Variants in IL1RAPL2 observed in about 807,000 individuals in gnomAD.
The protein encoded by IL1RAPL2 is X-linked interleukin-1 receptor accessory protein-like 2.
IL1RAPL2 carries 3 observed loss-of-function variants against 44.1 expected under a neutral mutation model. That is an observed-to-expected ratio of 0.07 (90% CI 0.03 to 0.18). IL1RAPL2 has a LOEUF of 0.18. Ranked by LOEUF, IL1RAPL2 falls within the 10% of genes least tolerant of loss-of-function variation. IL1RAPL2 has a pLI of 1.00. For synonymous variants in IL1RAPL2, 181 were observed against 178.8 expected (o/e 1.01, Z -0.10); for missense variants, 391 against 496.4 (o/e 0.79, Z 2.02).
At chrX:104,760,760 T>C (rs914123175) in intron 2 of IL1RAPL2, among the ~76,000 whole-genome samples, 1 of 111,585 alleles carries the variant, frequency 9.0e-6, no homozygotes, top group East Asian at 2.8e-4. Context: ...GTATCCTTTG[T>C]TGTGCTGAAG....
In IL1RAPL2 at chrX:105,092,292, T is replaced by G. The variant is rs112761238; in HGVS notation, c.83-103183T>G. ...ATGTAGGATAAATCACTAGAAAGAC[T>G]CATAGAACTTACTGAAAGCTATCAT... On this transcript the variant is annotated intron_variant, in intron 2 of 10. Coordinates refer to ENST00000372582, the MANE Select transcript of IL1RAPL2 (RefSeq NM_017416.2). Among the ~76,000 whole-genome samples the G allele has an allele frequency of 6.0e-3, 673 of 111,704 alleles. 8 individuals are homozygous for G. Among genetic ancestry groups the G allele is most frequent in the African/African-American group, 0.021 (646 of 30,757 alleles).
At chrX:105,414,791 C>G (rs938430032) in intron 5 of IL1RAPL2, among the ~76,000 whole-genome samples, 1 of 112,302 alleles carries the variant, frequency 8.9e-6, no homozygotes, top group Non-Finnish European at 1.9e-5. Flanking sequence ...GCACTTTTCA[C>G]AACATGTAAT....
chrX:104,779,311 A>G (rs1379626854), intron 2 of IL1RAPL2, among the ~76,000 whole-genome samples: 3 of 112,384 alleles, frequency 2.7e-5, no homozygotes, highest in Non-Finnish European at 3.8e-5. Flanking sequence ...TGGAAGCACT[A>G]AGTGCAGCAT....
In IL1RAPL2 at chrX:104,674,105, A is replaced by G. The variant is rs755144186; in HGVS notation, c.82+15110A>G. Among the ~76,000 whole-genome samples the G allele has an allele frequency of 2.7e-4, 30 of 111,452 alleles. 2 individuals are homozygous for G. In the East Asian group the frequency reaches 4.6e-3, roughly 17 times the overall value. ...TACCCTTTATTTCTTTCTCCTGCCT[A>G]ATTGCCCTGGCCAGAACTTCCAACA... On this transcript the variant is annotated intron_variant, in intron 2 of 10. Transcript: ENST00000372582.
At chrX:104,766,694 A>G (rs746117275) in intron 2 of IL1RAPL2, among the ~76,000 whole-genome samples, 8 of 112,422 alleles carry the variant, frequency 7.1e-5, no homozygotes, top group African/African-American at 1.9e-4. Context: ...CCCAGCTAGT[A>G]AATGGTGTAG....
chrX:105,155,405 A>G (rs915424912), intron 2 of IL1RAPL2, among the ~76,000 whole-genome samples: 1 of 111,198 alleles, frequency 9.0e-6, no homozygotes, highest in Non-Finnish European at 1.9e-5. Flanking sequence ...CTGGGTGAAC[A>G]GAAGCTTGGG....
At chrX:105,418,227 A>C (rs2035748389) in intron 5 of IL1RAPL2, among the ~76,000 whole-genome samples, 1 of 111,559 alleles carries the variant, frequency 9.0e-6, no homozygotes, top group Admixed American at 9.6e-5. Flanking sequence ...TGAAAAAAAA[A>C]ATGAATGAAT....
At chrX:104,633,119 T>C (rs1197519590) in intron 1 of IL1RAPL2, among the ~76,000 whole-genome samples, 2 of 112,028 alleles carry the variant, frequency 1.8e-5, no homozygotes, top group African/African-American at 6.5e-5. Context: ...TTGTCTTTGG[T>C]TCTGTTTATA....
chrX:104,821,398 C>A (rs1175356905), intron 2 of IL1RAPL2, among the ~76,000 whole-genome samples: 2 of 110,705 alleles, frequency 1.8e-5, no homozygotes, highest in Non-Finnish European at 3.8e-5. Context: ...CTCCCCTTGC[C>A]CCCCACCTGT....
chrX:104,881,961 A>G (rs1923082218), intron 2 of IL1RAPL2, among the ~76,000 whole-genome samples: 1 of 112,326 alleles, frequency 8.9e-6, no homozygotes, highest in African/African-American at 3.2e-5. Flanking sequence ...TTTAGTTTTT[A>G]AAAATGCTAC....
At chrX:105,225,459 A>G (rs1482325326) in intron 3 of IL1RAPL2, among the ~76,000 whole-genome samples, 4 of 111,162 alleles carry the variant, frequency 3.6e-5, no homozygotes, top group African/African-American at 6.5e-5. Context: ...GGTAGATAGC[A>G]TGATAATAGT....
chrX:105,357,932 G>A (rs1009579585), intron 5 of IL1RAPL2, among the ~76,000 whole-genome samples: 1 of 106,759 alleles, frequency 9.4e-6, no homozygotes. Context: ...AGCTAGAGGA[G>A]GCTGAGTTGA....
intron 2 of IL1RAPL2, among the ~76,000 whole-genome samples, chrX:104,978,312 A>G (rs1157352360): frequency 8.9e-6 from 1 of 111,984 alleles, no homozygotes; most frequent in East Asian, 2.8e-4. Context: ...GTAGGAGCAC[A>G]CAAAGGGCTT....
chrX:104,957,391 A>G (rs1476656666), intron 2 of IL1RAPL2, among the ~76,000 whole-genome samples: 1 of 111,854 alleles, frequency 8.9e-6, no homozygotes, highest in Non-Finnish European at 1.9e-5. Context: ...CAGGGCAGGG[A>G]CACCCATGCT....
chrX:104,610,621 A>G (rs1929133481), intron 1 of IL1RAPL2, among the ~76,000 whole-genome samples: 1 of 111,930 alleles, frequency 8.9e-6, no homozygotes, highest in South Asian at 3.7e-4. Context: ...GCTCAATGAA[A>G]TAAAAGAGGA....
intron 5 of IL1RAPL2, among the ~76,000 whole-genome samples, chrX:105,346,477 A>G (rs1288621809): frequency 8.9e-6 from 1 of 112,382 alleles, no homozygotes; most frequent in Non-Finnish European, 1.9e-5. Context: ...AAGCTCCAGA[A>G]TCTATCAGAA....
intron 2 of IL1RAPL2, among the ~76,000 whole-genome samples, chrX:105,151,656 A>T (rs779952052): frequency 8.8e-4 from 97 of 110,701 alleles, no homozygotes; most frequent in African/African-American, 3.1e-3. Context: ...GATGACAAAC[A>T]TAAATAATAA....
intron 5 of IL1RAPL2, among the ~76,000 whole-genome samples, chrX:105,356,162 A>ATGTG (rs3037850): frequency 6.8e-5 from 7 of 103,263 alleles, no homozygotes; most frequent in Non-Finnish European, 1.0e-4. Context: ...GTGTGTGTGT[A>ATGTG]TGTGTGTGTG....
rs895746354 is a variant in IL1RAPL2 at position 105,125,510 on chromosome X, A to C, written c.83-69965A>C. Among the ~76,000 whole-genome samples the C allele has an allele frequency of 2.7e-4, 30 of 111,379 alleles. 1 individual carries two copies. The highest frequency in any genetic ancestry group is 9.7e-4 in the African/African-American group (30 of 30,831). On this transcript the variant is annotated intron_variant, in intron 2 of 10. Transcript: ENST00000372582. The stretch of plus-strand genomic sequence containing the variant: ...GTCAAAATAACAAAATATCTTTAAA[A>C]GAATGAAACTGTATTTCATTCAAGC...
Sources: gnomAD v4.1 joint callset for allele counts (sites outside exome capture counted in the v4.1 genomes callset) on GRCh38, gnomAD v4.1.1 for gene constraint, MANE v1.5 for transcripts, NCBI Gene and HGNC (gene_info 2026-07-23, HGNC 2026-07-21) for gene names.